PRKG1: variants seen among roughly 807,000 people sequenced by gnomAD.
PRKG1 encodes protein kinase cGMP-dependent 1.
Under a neutral mutation model 88.1 loss-of-function variants are expected in PRKG1, and 35 were observed. That is an observed-to-expected ratio of 0.40 (90% CI 0.30 to 0.53). PRKG1 has a LOEUF of 0.53. Ranked by LOEUF, PRKG1 falls within the 20% of genes least tolerant of loss-of-function variation. The pLI is 0.59. For synonymous variants in PRKG1, 303 were observed against 292.5 expected, an observed-to-expected ratio of 1.04 and a Z score of -0.37; for missense variants, 540 against 839.8, an observed-to-expected ratio of 0.64 and a Z score of 4.41.
intron 2 of PRKG1, among the ~76,000 whole-genome samples, chr10:51,387,850 C>G (rs1483090482): frequency 1.3e-5 from 2 of 152,052 alleles, no homozygotes; most frequent in East Asian, 3.8e-4. Context: ...CACTGGTTTT[C>G]TAAAAGTGAC....
chr10:51,098,800 C>G (rs1211839972), intron 1 of PRKG1, among the ~76,000 whole-genome samples: 2 of 152,170 alleles, frequency 1.3e-5, no homozygotes, highest in African/African-American at 4.8e-5. Context: ...ACATGCCATT[C>G]CCCACTTTAA....
intron 3 of PRKG1, among the ~76,000 whole-genome samples, chr10:51,497,806 C>T (rs143317016): frequency 6.6e-6 from 1 of 152,204 alleles, no homozygotes; most frequent in African/African-American, 2.4e-5. Flanking sequence ...CTAATTAACC[C>T]AAATTTGGTT....
At chr10:51,936,728 A>T (rs11592820) in intron 5 of PRKG1, among the ~76,000 whole-genome samples, 15,351 of 151,128 alleles carry the variant, frequency 0.1, 887 homozygotes, top group South Asian at 0.24. Flanking sequence ...CAATTTTTTT[A>T]AAAATTTTTT....
chr10:51,694,933 T>G (rs957291499), intron 3 of PRKG1, among the ~76,000 whole-genome samples: 1 of 152,174 alleles, frequency 6.6e-6, no homozygotes, highest in South Asian at 2.1e-4. Flanking sequence ...GAGGTGATTG[T>G]TTTTAATAAC....
At chr10:51,770,131 A>G (rs1838266881) in intron 3 of PRKG1, among the ~76,000 whole-genome samples, 1 of 152,356 alleles carries the variant, frequency 6.6e-6, no homozygotes, top group Admixed American at 6.5e-5. Flanking sequence ...GGCACATTCA[A>G]GAGATATTAT....
chr10:52,031,737 A>C (rs1399355969), intron 5 of PRKG1, among the ~76,000 whole-genome samples: 1 of 152,234 alleles, frequency 6.6e-6, no homozygotes, highest in African/African-American at 2.4e-5. Context: ...TGGGTATAAG[A>C]TATATAAATA....
chr10:52,136,084 T>C (rs966685199), intron 8 of PRKG1, among the ~76,000 whole-genome samples: 9 of 151,886 alleles, frequency 5.9e-5, no homozygotes, highest in African/African-American at 2.2e-4. Context: ...AAAAGGGCAA[T>C]AGGCTTAGTA....
chr10:51,480,423 C>T (rs924462166), intron 3 of PRKG1, among the ~76,000 whole-genome samples: 2 of 152,114 alleles, frequency 1.3e-5, no homozygotes, highest in African/African-American at 4.8e-5. Context: ...GTAATTTAAT[C>T]ATACTTGACT....
chr10:51,833,701 A>G (rs980142015), intron 4 of PRKG1, among the ~76,000 whole-genome samples: 1 of 152,208 alleles, frequency 6.6e-6, no homozygotes, highest in Non-Finnish European at 1.5e-5. Flanking sequence ...TGTGGTGAGA[A>G]CATTAAAAAT....
chr10:51,719,156 A>AAAAAGAGAGAG (rs57226820), intron 3 of PRKG1, among the ~76,000 whole-genome samples: 2 of 150,310 alleles, frequency 1.3e-5, no homozygotes, highest in South Asian at 2.1e-4. Context: ...TCTCAAAAAA[A>AAAAAGAGAGAG]AGAGAGAGAG....
At position 51,340,673 on chromosome 10, in the gene PRKG1, G is replaced by T. The variant is rs74131616; in HGVS notation, c.479-127050G>T. 8.2e-3 allele frequency among the ~76,000 whole-genome samples: 1,243 copies of T among 152,194 alleles called. 16 individuals are homozygous for T. Among genetic ancestry groups the T allele is most frequent in the African/African-American group, 0.029 (1,189 of 41,540 alleles). On this transcript the variant is annotated intron_variant, in intron 2 of 17. Transcript: ENST00000373980. ...ACCAATACATATCTCATCATTTCAT[G>T]AAAGCTATCTAGCTTCAGAGAACAC...
At chr10:51,668,900 G>A (rs1180407635) in intron 3 of PRKG1, among the ~76,000 whole-genome samples, 1 of 151,980 alleles carries the variant, frequency 6.6e-6, no homozygotes, top group Non-Finnish European at 1.5e-5. Flanking sequence ...ATAACTGAAG[G>A]TAGCTTTAGA....
At chr10:51,511,322 A>G (rs951372324) in intron 3 of PRKG1, among the ~76,000 whole-genome samples, 2 of 152,170 alleles carry the variant, frequency 1.3e-5, no homozygotes, top group Admixed American at 1.3e-4. Context: ...CAAAAACACA[A>G]CTTAAAGGAA....
chr10:52,244,720 A>T (rs1278287021), intron 9 of PRKG1, among the ~76,000 whole-genome samples: 2 of 140,638 alleles, frequency 1.4e-5, no homozygotes, highest in Admixed American at 7.4e-5. Flanking sequence ...ATAATACTTT[A>T]AAAATATATA....
intron 5 of PRKG1, among the ~76,000 whole-genome samples, chr10:51,984,278 A>C (rs1447845104): frequency 6.6e-6 from 1 of 152,228 alleles, no homozygotes. Context: ...CGTGTAATTC[A>C]AAACTAATTT....
chr10:51,062,951 G>A (rs1478965756), intron 1 of PRKG1: 1 of 151,938 alleles, frequency 6.6e-6, no homozygotes, highest in African/African-American at 2.4e-5. Flanking sequence ...AATAAAGATA[G>A]GTTTAAAAAA....
At chr10:51,875,160 T>A (rs1841262333) in intron 4 of PRKG1, among the ~76,000 whole-genome samples, 1 of 152,150 alleles carries the variant, frequency 6.6e-6, no homozygotes, top group African/African-American at 2.4e-5. Context: ...AATGTAGCTT[T>A]AGGAATACTA....
intron 1 of PRKG1, among the ~76,000 whole-genome samples, chr10:51,020,391 G>T (rs964385993): frequency 2.0e-5 from 3 of 152,042 alleles, no homozygotes; most frequent in Non-Finnish European, 1.5e-5. Flanking sequence ...ATGTCAACAC[G>T]TCTCCGTTTA....
At chr10:51,973,652 A>C (rs541382311) in intron 5 of PRKG1, among the ~76,000 whole-genome samples, 14 of 152,278 alleles carry the variant, frequency 9.2e-5, no homozygotes, top group Admixed American at 9.2e-4. Flanking sequence ...GTTCATCTTC[A>C]ATGACTTTAT....
Sources: gnomAD v4.1 joint callset for allele counts (sites outside exome capture counted in the v4.1 genomes callset) on GRCh38, gnomAD v4.1.1 for gene constraint, MANE v1.5 for transcripts, NCBI Gene and HGNC (gene_info 2026-07-23, HGNC 2026-07-21) for gene names.